ILDR2: variants seen among roughly 807,000 people sequenced by gnomAD.
ILDR2 encodes immunoglobulin like domain containing receptor 2, also known as immunoglobulin-like domain-containing receptor 2.
ILDR2 carries 25 observed loss-of-function variants against 66.8 expected under a neutral mutation model. The ratio of observed to expected loss-of-function variants is 0.37; its 90% CI spans 0.27 to 0.52. ILDR2 has a LOEUF of 0.52. ILDR2 is among the 20% of genes least tolerant of loss of function. ILDR2 has a pLI of 0.88. For missense variants in ILDR2, 827 were observed against 876.8 expected, an observed-to-expected ratio of 0.94 and a Z score of 0.72; for synonymous variants, 367 against 357.2, an observed-to-expected ratio of 1.03 and a Z score of -0.31.
chr1:166,934,004 G>A (rs532193798), intron 6 of ILDR2, among the ~76,000 whole-genome samples: 1 of 152,324 alleles, frequency 6.6e-6, no homozygotes, highest in South Asian at 2.1e-4. Context: ...AATGGAGGCA[G>A]TCAAGATACC....
Position 166,922,718 on chromosome 1 carries a change from A to C in ILDR2, c.1086T>G (p.Pro362=). 6.2e-7 allele frequency: 1 copy of C among 1,614,198 alleles called. No homozygotes were observed. The highest frequency in any genetic ancestry group is 8.5e-7 in the Non-Finnish European group (1 of 1,180,002). ...SFHQMRSKQF[P]VSGDLESNPD... is the part of the protein sequence containing the mutation. ...GATTGCTCTCCAAGTCCCCAGACAC[A>C]GGGAACTGCTTGCTTCTCATCTGAT... The change falls in exon 8 of 10, where the codon CCT becomes CCG. Residue 362 remains proline (P), a synonymous_variant. Coordinates refer to ENST00000271417, the MANE Select transcript of ILDR2 (RefSeq NM_199351.3).
chr1:166,906,139 G>T (rs1162363052), downstream of ILDR2, among the ~76,000 whole-genome samples: 2 of 152,150 alleles, frequency 1.3e-5, no homozygotes, highest in African/African-American at 2.4e-5. Flanking sequence ...GAGCTCTCAG[G>T]ATATCATAAA....
intron 3 of ILDR2, among the ~76,000 whole-genome samples, chr1:166,941,954 C>T (rs1296297845): frequency 6.6e-6 from 1 of 152,162 alleles, no homozygotes; most frequent in East Asian, 1.9e-4. Flanking sequence ...TTATATAGAG[C>T]ATGTTATATC....
In ILDR2 at chr1:166,921,046, G is replaced by A; in HGVS notation, c.1545C>T (p.Ser515=). The change falls in exon 9 of 10, where the codon AGC becomes AGT. Residue 515 remains serine, a synonymous_variant. Transcript: ENST00000271417. This position sits in a 1 kb window ranked among gnomAD's most constrained non-coding sequence, Gnocchi z 5.3. The part of the protein sequence containing the change: ...AEDAHLPRLV[S]RTPGTAPKYD... ...ATTTGGGTGCGGTGCCTGGCGTGCG[G>A]CTCACCAGCCGCGGCAGGTGCGCGT... The A allele has an allele frequency of 2.0e-6, 3 of 1,503,420 alleles. No individual in the cohort carries two copies. The highest frequency in any genetic ancestry group is 2.2e-5 in the Admixed American group (1 of 44,912). The allele number at this position is 1,503,420 out of a possible 1,614,324, so 93.1% of individuals were successfully genotyped here.
At chr1:166,963,888 C>G (rs972898537) in intron 1 of ILDR2, among the ~76,000 whole-genome samples, 4 of 152,118 alleles carry the variant, frequency 2.6e-5, no homozygotes, top group African/African-American at 9.7e-5. Context: ...GCTGGTACAA[C>G]AGGAAGGCTG....
rs1659926389 is a variant in ILDR2 at position 166,921,335 on chromosome 1, G to C, written c.1256C>G (p.Ala419Gly). Residue 419 changes from alanine (A) to glycine (G), a missense_variant, in exon 9 of 10, where the codon GCC becomes GGC. By Grantham distance (60) the Ala-to-Gly change is moderately conservative. This residue lies in a region of ILDR2 where 390 missense variants were observed against 353.6 expected (regional missense o/e 1.10). Transcript: ENST00000271417. The surrounding 1 kb of genome is among the most constrained non-coding windows in gnomAD (Gnocchi z 5.3). ...KSEMLSRKNF[A>G]TGVPAVSMDE... Reference sequence around the variant, plus strand: ...CATGGAAACGGCCGGCACCCCCGTGGCGAAGTTCTTCCGCGACAGCATCTC... The same window carrying C: ...CATGGAAACGGCCGGCACCCCCGTGCCGAAGTTCTTCCGCGACAGCATCTC... 6.3e-7 allele frequency: 1 copy of C among 1,585,016 alleles called. No individual in the cohort carries two copies.
intron 3 of ILDR2, among the ~76,000 whole-genome samples, chr1:166,952,634 C>T (rs949682890): frequency 1.3e-5 from 2 of 152,144 alleles, no homozygotes; most frequent in African/African-American, 4.8e-5. Flanking sequence ...GCAATCTAGA[C>T]AATAACAACT....
chr1:166,963,713 C>A (rs1044410163), intron 1 of ILDR2, among the ~76,000 whole-genome samples: 1 of 152,164 alleles, frequency 6.6e-6, no homozygotes, highest in African/African-American at 2.4e-5. Flanking sequence ...TTGACATGGC[C>A]CCCAGTATGC....
At chr1:166,975,188 C>A (rs375367498) in intron 1 of ILDR2, 35 bp downstream of exon 1, 2 of 1,557,778 alleles carry the variant, frequency 1.3e-6, no homozygotes, top group East Asian at 4.5e-5. Context: ...CAGGAATATA[C>A]AAAGTTATTC....
intron 3 of ILDR2, among the ~76,000 whole-genome samples, chr1:166,951,658 C>G (rs1185047420): frequency 6.6e-6 from 1 of 152,094 alleles, no homozygotes; most frequent in African/African-American, 2.4e-5. Flanking sequence ...TGACACAAAA[C>G]AGCAGTATTT....
At chr1:166,953,330 G>A (rs1317731547) in intron 3 of ILDR2, among the ~76,000 whole-genome samples, 1 of 152,140 alleles carries the variant, frequency 6.6e-6, no homozygotes, top group South Asian at 2.1e-4. Context: ...AAACTTCTTA[G>A]TCTTGCATAT....
downstream of ILDR2, among the ~76,000 whole-genome samples, chr1:166,905,658 C>T (rs1404715511): frequency 1.3e-5 from 2 of 152,158 alleles, no homozygotes; most frequent in African/African-American, 4.8e-5. Context: ...TTCTCTAGAG[C>T]CTGGGAATAG....
intron 3 of ILDR2, among the ~76,000 whole-genome samples, chr1:166,956,456 T>C (rs1662288079): frequency 1.5e-5 from 2 of 131,184 alleles, no homozygotes; most frequent in East Asian, 4.3e-4. Context: ...AGGTTAAAGG[T>C]GAAAGTAGAA....
intron 3 of ILDR2, among the ~76,000 whole-genome samples, chr1:166,947,108 C>A (rs1661659796): frequency 6.6e-6 from 1 of 152,138 alleles, no homozygotes; most frequent in African/African-American, 2.4e-5. Context: ...CGAATAAATA[C>A]AAAATATTAT....
intron 4 of ILDR2, among the ~76,000 whole-genome samples, chr1:166,937,885 A>G (rs1366547046): frequency 6.6e-6 from 1 of 152,252 alleles, no homozygotes; most frequent in Non-Finnish European, 1.5e-5. Context: ...TGATTATCAA[A>G]TATTCCTTCA....
rs1557921257 is a variant in ILDR2, at chr1:166,909,755, AT to A, written c.*9599del. On this transcript the variant is annotated 3_prime_UTR_variant, in exon 10 of 10. Coordinates refer to ENST00000271417, the MANE Select transcript of ILDR2 (RefSeq NM_199351.3). The stretch of plus-strand genomic sequence containing the variant: ...TACATACATATATATATATATATAT[AT>A]ATAAATATATATAAATATATATATT... 43 of 75,050 alleles carry A rather than the reference AT, an allele frequency of 5.7e-4. No homozygotes were observed. The highest frequency in any genetic ancestry group is 3.2e-3 in the South Asian group (6 of 1,892). The allele number at this position is 75,050 out of a possible 1,614,324, so 4.6% of individuals were successfully genotyped here. A position where few individuals can be genotyped will look rare whatever the true frequency, so the allele number is the denominator to read the frequency against.
At chr1:166,945,847 CACT>C (rs1365662236) in intron 3 of ILDR2, among the ~76,000 whole-genome samples, 1 of 152,226 alleles carries the variant, frequency 6.6e-6, no homozygotes, top group Non-Finnish European at 1.5e-5. Context: ...TTTGCCAACA[CACT>C]ATACAGATGA....
chr1:166,923,653 T>A (rs1660094459), intron 7 of ILDR2, among the ~76,000 whole-genome samples: 1 of 152,164 alleles, frequency 6.6e-6, no homozygotes, highest in South Asian at 2.1e-4. Flanking sequence ...AAAATACAAA[T>A]GGGGGTATCT....
intron 3 of ILDR2, among the ~76,000 whole-genome samples, chr1:166,947,747 C>A (rs969026317): frequency 2.0e-5 from 3 of 152,144 alleles, no homozygotes; most frequent in African/African-American, 7.2e-5. Context: ...GGCTCCTGCC[C>A]GGGGTAACCA....
Sources: gnomAD v4.1 joint callset for allele counts (sites outside exome capture counted in the v4.1 genomes callset) on GRCh38, gnomAD v4.1.1 for gene constraint, gnomAD v4.1.1 regional missense constraint, Gnocchi (gnomAD v3.1) non-coding constraint, MANE v1.5 for transcripts, NCBI Gene and HGNC (gene_info 2026-07-23, HGNC 2026-07-21) for gene names.